The following PLCL1 variants were observed in gnomAD, a reference collection of about 807,000 sequenced individuals.
The protein encoded by PLCL1 is phospholipase C like 1 (inactive), also known as inactive phospholipase C-like protein 1.
In PLCL1, 41 loss-of-function variants were observed where a neutral mutation model predicts 84.4. The ratio of observed to expected loss-of-function variants is 0.49; its 90% CI spans 0.38 to 0.63. PLCL1 has a LOEUF of 0.63. Ranked by LOEUF, PLCL1 falls within the 30% of genes least tolerant of loss-of-function variation. The probability of loss-of-function intolerance (pLI) is 0.00; values close to 1 mark genes in which losing one functional copy is unlikely to be tolerated. For missense variants in PLCL1, 1,206 were observed against 1,367.8 expected (o/e 0.88, Z 1.87); for synonymous variants, 490 against 488.3 (o/e 1.00, Z -0.05).
chr2:197,989,114 T>A (rs1451569755), intron 1 of PLCL1, among the ~76,000 whole-genome samples: 5 of 152,166 alleles, frequency 3.3e-5, no homozygotes, highest in Non-Finnish European at 5.9e-5. Flanking sequence ...ACCTACAAAA[T>A]GCGTAAAACA....
In PLCL1 at chr2:198,086,235, A is replaced by G. The variant is rs761607716; in HGVS notation, c.2715+3A>G. ...TAGATATGAGAGAAAATATGCAGGT[A>G]GGAGAAACACTCACACTCTCCTTCC... On this transcript the variant is annotated splice_donor_region_variant and intron_variant, in intron 2 of 5. Transcript: ENST00000428675. 7.0e-6 allele frequency: 11 copies of G among 1,567,284 alleles called. No individual in the cohort carries two copies. The highest frequency in any genetic ancestry group is 7.9e-6 in the Non-Finnish European group (9 of 1,145,864).
intron 5 of PLCL1, among the ~76,000 whole-genome samples, chr2:198,141,034 G>T (rs897541564): frequency 2.0e-5 from 3 of 152,054 alleles, no homozygotes; most frequent in Non-Finnish European, 4.4e-5. Context: ...ATATAATAAA[G>T]ATTTGAAAAG....
intron 1 of PLCL1, among the ~76,000 whole-genome samples, chr2:197,833,150 C>G (rs751056813): frequency 7.2e-5 from 11 of 152,180 alleles, no homozygotes; most frequent in Non-Finnish European, 1.5e-4. Context: ...AGGCTAAAAA[C>G]TCTCAATAAG....
intron 1 of PLCL1, among the ~76,000 whole-genome samples, chr2:198,023,405 T>G (rs1210989561): frequency 6.6e-6 from 1 of 152,150 alleles, no homozygotes; most frequent in East Asian, 1.9e-4. Flanking sequence ...AAATGAGATC[T>G]AATTAAACTA....
chr2:197,923,981 C>G (rs1338074869), intron 1 of PLCL1, among the ~76,000 whole-genome samples: 1 of 151,806 alleles, frequency 6.6e-6, no homozygotes, highest in Admixed American at 6.6e-5. Flanking sequence ...CACAGCGAAA[C>G]CCCGTCTCCA....
intron 3 of PLCL1, among the ~76,000 whole-genome samples, chr2:198,094,497 G>A (rs1242566191): frequency 7.4e-6 from 1 of 134,654 alleles, no homozygotes; most frequent in African/African-American, 2.6e-5. Context: ...GAAAGGGAAG[G>A]CACACTCTCC....
intron 1 of PLCL1, among the ~76,000 whole-genome samples, chr2:197,893,112 G>T (rs1020979593): frequency 2.0e-5 from 3 of 152,124 alleles, no homozygotes; most frequent in African/African-American, 7.2e-5. Flanking sequence ...CTTATTTCTT[G>T]GTATAGTTGT....
At chr2:198,118,348 A>G (rs945055557) in intron 5 of PLCL1, among the ~76,000 whole-genome samples, 5 of 151,942 alleles carry the variant, frequency 3.3e-5, no homozygotes, top group African/African-American at 9.7e-5. Flanking sequence ...ATTTTGTTCT[A>G]GAGATTCTTC....
intron 5 of PLCL1, among the ~76,000 whole-genome samples, chr2:198,137,348 A>G (rs1383103126): frequency 3.3e-5 from 5 of 152,188 alleles, no homozygotes; most frequent in Non-Finnish European, 7.4e-5. Context: ...AATTACTAAG[A>G]ACGGTTATTT....
chr2:198,131,571 A>G (rs1040687256), intron 5 of PLCL1, among the ~76,000 whole-genome samples: 1 of 152,206 alleles, frequency 6.6e-6, no homozygotes, highest in Non-Finnish European at 1.5e-5. Context: ...TGCTGCCCAC[A>G]GGAGTTAGGG....
chr2:198,144,489 T>C (rs958673635), intron 5 of PLCL1, among the ~76,000 whole-genome samples: 1 of 152,198 alleles, frequency 6.6e-6, no homozygotes, highest in Admixed American at 6.5e-5. Context: ...ATACTTATTA[T>C]ATATAGTAGC....
chr2:197,903,324 T>C (rs2105738474), intron 1 of PLCL1, among the ~76,000 whole-genome samples: 1 of 152,250 alleles, frequency 6.6e-6, no homozygotes, highest in Admixed American at 6.5e-5. Flanking sequence ...TAAAAGCAGC[T>C]GATGAGCCCC....
At chr2:198,121,652 T>C (rs184984401) in intron 5 of PLCL1, among the ~76,000 whole-genome samples, 4 of 151,198 alleles carry the variant, frequency 2.6e-5, no homozygotes, top group African/African-American at 9.7e-5. Flanking sequence ...TCTATTCTGT[T>C]CCATTGGTCG....
Position 197,858,349 on chromosome 2 carries a change from A to G in PLCL1, c.240+53010A>G, listed in dbSNP as rs578160886. ...AAGTATATTTCCTGTGAAGTTAATG[A>G]GGCTTAGCGAATCAAGCCCTCCAAA... On this transcript the variant is annotated intron_variant, in intron 1 of 5. Transcript: ENST00000428675. 2.0e-5 allele frequency among the ~76,000 whole-genome samples: 3 copies of G among 152,226 alleles called. No individual in the cohort carries two copies. In the South Asian group the frequency reaches 6.2e-4, roughly 32 times the overall value.
chr2:197,928,675 C>A (rs1688877463), intron 1 of PLCL1, among the ~76,000 whole-genome samples: 1 of 152,084 alleles, frequency 6.6e-6, no homozygotes, highest in African/African-American at 2.4e-5. Flanking sequence ...GGAAGTGTAT[C>A]CTTGAACTTT....
At chr2:198,114,102 A>G (rs1452741297) in intron 5 of PLCL1, among the ~76,000 whole-genome samples, 1 of 151,914 alleles carries the variant, frequency 6.6e-6, no homozygotes, top group Non-Finnish European at 1.5e-5. Context: ...ATTTAAAAAA[A>G]GCCACAAGTT....
chr2:198,112,850 C>A (rs368889440), intron 5 of PLCL1, among the ~76,000 whole-genome samples: 1 of 151,756 alleles, frequency 6.6e-6, no homozygotes, highest in Non-Finnish European at 1.5e-5. Context: ...CTAGTAAGCC[C>A]TCAACTCACT....
At chr2:197,947,319 T>G (rs1244810928) in intron 1 of PLCL1, among the ~76,000 whole-genome samples, 1 of 149,882 alleles carries the variant, frequency 6.7e-6, no homozygotes, top group Non-Finnish European at 1.5e-5. Context: ...TACATCAGAG[T>G]TACTAGCAGG....
At chr2:197,993,321 C>T (rs776772307) in intron 1 of PLCL1, among the ~76,000 whole-genome samples, 2 of 152,088 alleles carry the variant, frequency 1.3e-5, no homozygotes, top group African/African-American at 2.4e-5. Context: ...GGAGAAATGT[C>T]TATTCAAGTC....
Sources: allele counts gnomAD v4.1 joint callset (sites outside exome capture counted in the v4.1 genomes callset), GRCh38; gene constraint gnomAD v4.1.1; transcripts MANE v1.5; gene names NCBI Gene and HGNC (gene_info 2026-07-23, HGNC 2026-07-21).